The following TSBP1 variants were observed in gnomAD, a reference collection of about 807,000 sequenced individuals.
TSBP1 encodes the protein testis expressed basic protein 1.
Under a neutral mutation model 68.8 loss-of-function variants are expected in TSBP1, and 56 were observed. That is an observed-to-expected ratio of 0.81 (90% confidence interval 0.66 to 1.02). The LOEUF (loss-of-function observed/expected upper bound fraction) is 1.02. TSBP1 is among the 50% of genes least tolerant of loss of function. The pLI, the probability that TSBP1 is intolerant of heterozygous loss-of-function variation, is 0.00. For missense variants in TSBP1, 502 were observed against 641.2 expected, an observed-to-expected ratio of 0.78 and a Z score of 2.34; for synonymous variants, 171 against 208.7, an observed-to-expected ratio of 0.82 and a Z score of 1.56.
At position 32,314,563 on chromosome 6, in the gene TSBP1, T is replaced by C. The variant is rs1766754214; in HGVS notation, c.580+1209A>G. 6.6e-6 allele frequency among the ~76,000 whole-genome samples: 1 copy of C among 152,242 alleles called. No homozygotes were observed. The highest frequency in any genetic ancestry group is 2.4e-5 in the African/African-American group (1 of 41,458). On this transcript the variant is annotated intron_variant, in intron 19 of 22. Coordinates refer to ENST00000612031, the Ensembl canonical transcript of TSBP1. The surrounding 1 kb of genome is among the most constrained non-coding windows in gnomAD (Gnocchi z 4.2). ...AGAATACTTAGCTGATCAGCCTCTT[T>C]GCTCAGGCTTCAGAAAGGTATGTGG...
At chr6:32,323,015 A>T in intron 18 of TSBP1, 102 bp downstream of exon 19, 1 of 852,410 alleles carries the variant, frequency 1.2e-6, no homozygotes. Flanking sequence ...AAGCAGGGTA[A>T]TAAGGAAGCA....
chr6:32,307,986 G>C (rs999222800), intron 19 of TSBP1, among the ~76,000 whole-genome samples: 58 of 151,900 alleles, frequency 3.8e-4, no homozygotes, highest in Non-Finnish European at 5.0e-4. Context: ...TGTTGGCCAG[G>C]TGGGTCTCGA....
rs530364638 is a variant in TSBP1 at position 32,314,059 on chromosome 6, C to T, written c.580+1713G>A. Among the ~76,000 whole-genome samples the T allele has an allele frequency of 2.2e-4, 34 of 152,284 alleles. No homozygotes were observed. Among genetic ancestry groups the T allele is most frequent in the African/African-American group, 8.2e-4 (34 of 41,554 alleles). The stretch of plus-strand genomic sequence containing the variant: ...AGCTGCTACCTCTGTTTCCTCATCC[C>T]CTCACCATTCCTCCCAAGAGCTTAA... On this transcript the variant is annotated intron_variant, in intron 19 of 22. Coordinates refer to ENST00000612031, the Ensembl canonical transcript of TSBP1. This position sits in a 1 kb window ranked among gnomAD's most constrained non-coding sequence, Gnocchi z 4.2.
In TSBP1 at chr6:32,357,863, T is replaced by C. The variant is rs1408254616; in HGVS notation, c.218-2194A>G. Reference sequence around the variant, plus strand: ...AGAGTGAGATGCCTTTCATATATCTTCAGGACACGTGTGCTATGATTATAT... The same window carrying C: ...AGAGTGAGATGCCTTTCATATATCTCCAGGACACGTGTGCTATGATTATAT... On this transcript the variant is annotated intron_variant, in intron 6 of 22. Transcript: ENST00000612031. This position sits in a 1 kb window ranked among gnomAD's most constrained non-coding sequence, Gnocchi z 4.7. Among the ~76,000 whole-genome samples, 1 of 152,162 alleles carries C rather than the reference T, an allele frequency of 6.6e-6. No individual in the cohort carries two copies. The highest frequency in any genetic ancestry group is 6.5e-5 in the Admixed American group (1 of 15,282).
rs1769550328 is a variant in TSBP1, at chr6:32,335,534, G to A, written c.452-77C>T. 1 of 1,046,892 alleles carries A rather than the reference G, an allele frequency of 9.6e-7. No individual in the cohort carries two copies. Among genetic ancestry groups the A allele is most frequent in the Non-Finnish European group, 1.2e-6 (1 of 802,736 alleles). 64.9% of individuals were successfully genotyped at this position (1,046,892 alleles called of 1,614,324 possible). On this transcript the variant is annotated intron_variant, in intron 13 of 22. Coordinates refer to ENST00000612031, the Ensembl canonical transcript of TSBP1. This position sits in a 1 kb window ranked among gnomAD's most constrained non-coding sequence, Gnocchi z 5.5. ...ACTTTTTATTTATATACTTTAATTT[G>A]TATACTTTCCCTAGTAGGAATCTGC...
exon 23 of TSBP1, chr6:32,293,093 T>C: frequency 6.2e-7 from 1 of 1,609,008 alleles, no homozygotes; most frequent in Non-Finnish European, 8.5e-7. Flanking sequence ...AACTTTGTCC[T>C]TTCCTTTGTC....
chr6:32,355,192 TCCC>T, intron 7 of TSBP1, 48 bp from the exon 8 acceptor site: 1 of 1,594,602 alleles, frequency 6.3e-7, no homozygotes, highest in Non-Finnish European at 8.6e-7. Flanking sequence ...AGAGTTTGGA[TCCC>T]TAATCTTTAC....
chr6:32,340,400 A>G lies in TSBP1; in HGVS notation c.350-762T>C, dbSNP rs750119256. The stretch of plus-strand genomic sequence containing the variant: ...CCCAGAAATGACAGGATCTACCCTC[A>G]GCATTTGGGAAGAGATGTCTGTTTT... On this transcript the variant is annotated intron_variant, in intron 9 of 22. Coordinates refer to ENST00000612031, the Ensembl canonical transcript of TSBP1. The surrounding 1 kb of genome is among the most constrained non-coding windows in gnomAD (Gnocchi z 4.8). 3.3e-5 allele frequency among the ~76,000 whole-genome samples: 5 copies of G among 152,186 alleles called. No homozygotes were observed. Among genetic ancestry groups the G allele is most frequent in the African/African-American group, 4.8e-5 (2 of 41,438 alleles).
intron 6 of TSBP1, among the ~76,000 whole-genome samples, chr6:32,358,319 A>C (rs988118523): frequency 4.6e-5 from 7 of 152,174 alleles, no homozygotes; most frequent in Non-Finnish European, 1.0e-4. Flanking sequence ...GTAAATGACA[A>C]CAGTAGACAA....
At chr6:32,318,172 G>A (rs1327363525) in intron 18 of TSBP1, among the ~76,000 whole-genome samples, 4 of 152,106 alleles carry the variant, frequency 2.6e-5, no homozygotes, top group Admixed American at 6.6e-5. Flanking sequence ...GCTGGAGGGC[G>A]TTATCCTTAG....
At chr6:32,296,014 T>C (rs1764686201) in intron 22 of TSBP1, among the ~76,000 whole-genome samples, 1 of 151,910 alleles carries the variant, frequency 6.6e-6, no homozygotes, top group Non-Finnish European at 1.5e-5. Context: ...CCGGCTAATT[T>C]TGTATTTTTA....
chr6:32,355,030 T>A, intron 8 of TSBP1, 94 bp downstream of exon 8: 1 of 1,016,814 alleles, frequency 9.8e-7, no homozygotes, highest in South Asian at 1.5e-5. Flanking sequence ...TATACTTAAT[T>A]TTAAAAACTT....
rs1424482907 is a variant in TSBP1, at chr6:32,343,997, G to A, written c.350-4359C>T. 6.6e-6 allele frequency among the ~76,000 whole-genome samples: 1 copy of A among 150,376 alleles called. No homozygotes were observed. The highest frequency in any genetic ancestry group is 1.5e-5 in the Non-Finnish European group (1 of 67,960). On this transcript the variant is annotated intron_variant, in intron 9 of 22. Coordinates refer to ENST00000612031, the Ensembl canonical transcript of TSBP1. This position sits in a 1 kb window ranked among gnomAD's most constrained non-coding sequence, Gnocchi z 4.3. Reference sequence around the variant, plus strand: ...CACTATATTCAGTGGAGAAAGTCTGGGCATTAGTCTTATTTGTCTTACATT... The same window carrying A: ...CACTATATTCAGTGGAGAAAGTCTGAGCATTAGTCTTATTTGTCTTACATT...
rs1242780412 is a variant in TSBP1, at chr6:32,338,877, T to A, written c.409+102A>T. 2 of 934,450 alleles carry A rather than the reference T, an allele frequency of 2.1e-6. No homozygotes were observed. Among genetic ancestry groups the A allele is most frequent in the Non-Finnish European group, 3.5e-6 (2 of 571,914 alleles). 57.9% of individuals were successfully genotyped at this position (934,450 alleles called of 1,614,324 possible). A position where few individuals can be genotyped will look rare whatever the true frequency, so the allele number is the denominator to read the frequency against. On this transcript the variant is annotated intron_variant, in intron 11 of 22. Transcript: ENST00000612031. The surrounding 1 kb of genome is among the most constrained non-coding windows in gnomAD (Gnocchi z 5.5). ...AACAAGGGGAAAGGAATGGACAATT[T>A]GTGAAAGAAATAAAAAAATCTAGGA... is the stretch of plus-strand genomic sequence containing the variant.
chr6:32,293,390 A>G, exon 23 of TSBP1: 1 of 1,612,078 alleles, frequency 6.2e-7, no homozygotes, highest in African/African-American at 1.3e-5. Flanking sequence ...AGTCTTCTCT[A>G]CTTGGCCTTC....
At chr6:32,308,456 G>C (rs1582995632) in intron 19 of TSBP1, among the ~76,000 whole-genome samples, 1 of 150,296 alleles carries the variant, frequency 6.7e-6, no homozygotes, top group Admixed American at 6.6e-5. Flanking sequence ...AAATTAGCCG[G>C]GCGTAGTGGC....
At chr6:32,294,349 AAG>A (rs1342192752) in intron 22 of TSBP1, among the ~76,000 whole-genome samples, 158 of 152,344 alleles carry the variant, frequency 1.0e-3, no homozygotes, top group African/African-American at 3.5e-3. Flanking sequence ...GTATTCTGAA[AAG>A]AAATAGAATT....
intron 10 of TSBP1, 40 bp from the exon 12 acceptor site, chr6:32,339,039 G>C: frequency 1.9e-6 from 3 of 1,570,108 alleles, no homozygotes; most frequent in Non-Finnish European, 2.6e-6. Context: ...AAGAGAGCAT[G>C]ACTCAAGGGT....
In TSBP1 at chr6:32,315,824, T is replaced by A; in HGVS notation, c.560-32A>T. Reference sequence around the variant, plus strand: ...AATAAGCAAAAAGAAATCCATTTAATTTTTCTCAAATGGAGAAAACATAGC... The same window carrying A: ...AATAAGCAAAAAGAAATCCATTTAAATTTTCTCAAATGGAGAAAACATAGC... On this transcript the variant is annotated intron_variant, in intron 18 of 22. Coordinates refer to ENST00000612031, the Ensembl canonical transcript of TSBP1. The surrounding 1 kb of genome is among the most constrained non-coding windows in gnomAD (Gnocchi z 5.4). 7.1e-7 allele frequency: 1 copy of A among 1,403,952 alleles called. No individual in the cohort carries two copies. The highest frequency in any genetic ancestry group is 9.7e-7 in the Non-Finnish European group (1 of 1,032,126). 87.0% of individuals were successfully genotyped at this position (1,403,952 alleles called of 1,614,324 possible).
Sources: allele counts gnomAD v4.1 joint callset (sites outside exome capture counted in the v4.1 genomes callset), GRCh38; gene constraint gnomAD v4.1.1; non-coding constraint Gnocchi (gnomAD v3.1); transcripts MANE v1.5; gene names NCBI Gene and HGNC (gene_info 2026-07-23, HGNC 2026-07-21).